Variants in NCOA2 observed in about 807,000 individuals in gnomAD.
The protein encoded by NCOA2 is class E basic helix-loop-helix protein 75.
In NCOA2, 21 loss-of-function variants were observed where a neutral mutation model predicts 145.1. The ratio of observed to expected loss-of-function variants is 0.14; its 90% CI spans 0.10 to 0.21. The LOEUF (loss-of-function observed/expected upper bound fraction) is 0.21. Ranked by LOEUF, NCOA2 falls within the 10% of genes least tolerant of loss-of-function variation. NCOA2 has a pLI of 1.00. For synonymous variants in NCOA2, 619 were observed against 637.5 expected, an observed-to-expected ratio of 0.97 and a Z score of 0.44; for missense variants, 1,472 against 1,837.6, an observed-to-expected ratio of 0.80 and a Z score of 3.64.
At chr8:70,439,890 A>G in the NCOA2 span, among the ~76,000 whole-genome samples, 1,153 of 152,214 alleles carry the variant, frequency 7.6e-3, 14 homozygotes, top group African/African-American at 0.026. Context: ...CTCCACCTAT[A>G]CCAATTTTCC....
chr8:70,296,307 T>C (rs930190771), intron 2 of NCOA2, among the ~76,000 whole-genome samples: 8 of 152,240 alleles, frequency 5.3e-5, no homozygotes, highest in Non-Finnish European at 1.5e-5. Context: ...TTTTATAACA[T>C]CTACCCCTGT....
intron 1 of NCOA2, among the ~76,000 whole-genome samples, chr8:70,298,436 A>G (rs77197739): frequency 0.02 from 3,071 of 152,298 alleles, 125 homozygotes; most frequent in African/African-American, 0.07. Context: ...ATATGCAAAT[A>G]AGAAGTTATC....
chr8:70,350,741 A>C (rs1190080799), intron 1 of NCOA2, among the ~76,000 whole-genome samples: 1 of 152,218 alleles, frequency 6.6e-6, no homozygotes, highest in Non-Finnish European at 1.5e-5. Flanking sequence ...TTGGTTTACA[A>C]AACCAAATTC....
At chr8:70,305,695 A>G (rs1827836340) in intron 1 of NCOA2, among the ~76,000 whole-genome samples, 1 of 152,212 alleles carries the variant, frequency 6.6e-6, no homozygotes, top group Non-Finnish European at 1.5e-5. Flanking sequence ...AGTGTGTATA[A>G]TAGGTATTCA....
the NCOA2 span, among the ~76,000 whole-genome samples, chr8:70,422,097 A>G: frequency 1.4e-5 from 2 of 146,970 alleles, no homozygotes; most frequent in Non-Finnish European, 1.5e-5. Flanking sequence ...TCCGGTCTCG[A>G]AAAAAAAAAA....
At chr8:70,397,070 C>CA (rs753512313) in intron 1 of NCOA2, among the ~76,000 whole-genome samples, 1 of 152,128 alleles carries the variant, frequency 6.6e-6, no homozygotes, top group Admixed American at 6.5e-5. Flanking sequence ...AAGCACACAT[C>CA]AAAAAAGCCT....
intron 1 of NCOA2, among the ~76,000 whole-genome samples, chr8:70,364,500 C>G (rs1016094759): frequency 6.6e-6 from 1 of 152,108 alleles, no homozygotes; most frequent in Non-Finnish European, 1.5e-5. Flanking sequence ...AGGAACCTTG[C>G]AGAACTAAAT....
At chr8:70,147,140 G>A (rs996934371) in intron 12 of NCOA2, among the ~76,000 whole-genome samples, 3 of 151,904 alleles carry the variant, frequency 2.0e-5, no homozygotes, top group Non-Finnish European at 4.4e-5. Context: ...GTGTGTGTGT[G>A]TGTGTGTTCT....
In NCOA2 at chr8:70,317,110, T is replaced by C. The variant is rs116073008; in HGVS notation, c.-76-20310A>G. On this transcript the variant is annotated intron_variant, in intron 1 of 22. Transcript: ENST00000452400. Reference sequence around the variant, plus strand: ...GCAAGAGCTACAGTTTTAAAGGCAATGTACCGCGGTTGCAATGAGTGGCTA... The same window carrying C: ...GCAAGAGCTACAGTTTTAAAGGCAACGTACCGCGGTTGCAATGAGTGGCTA... 9.3e-3 allele frequency among the ~76,000 whole-genome samples: 1,422 copies of C among 152,308 alleles called. 22 individuals carry two copies. The highest frequency in any genetic ancestry group is 0.032 in the African/African-American group (1,324 of 41,570).
chr8:70,362,736 T>C (rs1810319660), intron 1 of NCOA2, among the ~76,000 whole-genome samples: 1 of 152,170 alleles, frequency 6.6e-6, no homozygotes, highest in African/African-American at 2.4e-5. Context: ...CTTTGAAAAC[T>C]ATTTGGCAGT....
chr8:70,256,702 G>A (rs1171654127), intron 2 of NCOA2, among the ~76,000 whole-genome samples: 1 of 152,066 alleles, frequency 6.6e-6, no homozygotes, highest in Non-Finnish European at 1.5e-5. Flanking sequence ...CATGGAGCTG[G>A]TACTGTTATG....
At chr8:70,211,629 CAGAGAT>C (rs1277128469) in intron 4 of NCOA2, among the ~76,000 whole-genome samples, 1 of 152,086 alleles carries the variant, frequency 6.6e-6, no homozygotes, top group African/African-American at 2.4e-5. Context: ...AACTGAGTCT[CAGAGAT>C]AAGATAATTT....
At chr8:70,249,678 G>C (rs59672546) in intron 2 of NCOA2, among the ~76,000 whole-genome samples, 1,622 of 152,158 alleles carry the variant, frequency 0.011, 40 homozygotes, top group African/African-American at 0.037. Context: ...TATCAAAACT[G>C]TAGGCCGGGT....
chr8:70,214,184 T>TATA, intron 3 of NCOA2, 109 bp from the exon 4 acceptor site: 1 of 1,026,012 alleles, frequency 9.7e-7, no homozygotes, highest in Non-Finnish European at 1.4e-6. Flanking sequence ...AAGCTACCTA[T>TATA]ATAAACACAG....
chr8:70,428,059 A>C, the NCOA2 span, among the ~76,000 whole-genome samples: 2 of 152,220 alleles, frequency 1.3e-5, no homozygotes, highest in African/African-American at 4.8e-5. Flanking sequence ...TCTCTGATTA[A>C]AATGACATAC....
At chr8:70,249,140 G>A (rs1563678576) in intron 2 of NCOA2, among the ~76,000 whole-genome samples, 1 of 152,104 alleles carries the variant, frequency 6.6e-6, no homozygotes, top group Non-Finnish European at 1.5e-5. Context: ...GGGTGGGCCT[G>A]AGCTAACCAT....
intron 22 of NCOA2, among the ~76,000 whole-genome samples, chr8:70,114,523 T>C (rs757828917): frequency 1.3e-5 from 2 of 152,262 alleles, no homozygotes; most frequent in African/African-American, 4.8e-5. Flanking sequence ...ATTCAGCATC[T>C]ATTACATGCT....
chr8:70,191,772 G>A (rs954333229), intron 4 of NCOA2, among the ~76,000 whole-genome samples: 12 of 152,212 alleles, frequency 7.9e-5, no homozygotes, highest in African/African-American at 2.7e-4. Flanking sequence ...CAGGGACGGT[G>A]GCTCATGCCT....
chr8:70,243,199 TAGAAGATTATTTAAAAAA>T (rs141027569), intron 2 of NCOA2, among the ~76,000 whole-genome samples: 8,357 of 152,198 alleles, frequency 0.055, 304 homozygotes, highest in East Asian at 0.16. Flanking sequence ...ACTCTAGCTG[TAGAAGATTATTTAAAAAA>T]CAAAAAGTAT....
Sources: allele counts gnomAD v4.1 joint callset (sites outside exome capture counted in the v4.1 genomes callset), GRCh38; gene constraint gnomAD v4.1.1; transcripts MANE v1.5; gene names NCBI Gene and HGNC (gene_info 2026-07-23, HGNC 2026-07-21).